Variants in ANKS1A observed in about 807,000 individuals in gnomAD.
ANKS1A encodes ankyrin repeat and sterile alpha motif domain containing 1A.
ANKS1A carries 55 observed loss-of-function variants against 120.3 expected under a neutral mutation model. The ratio of observed to expected loss-of-function variants is 0.46; its 90% CI spans 0.37 to 0.57. The LOEUF (loss-of-function observed/expected upper bound fraction) is 0.57, where lower values mean the gene tolerates loss of function less well. ANKS1A is among the 20% of genes least tolerant of loss of function. The probability of loss-of-function intolerance (pLI) is 0.00; values close to 1 mark genes in which losing one functional copy is unlikely to be tolerated. For synonymous variants in ANKS1A, 590 were observed against 604.7 expected (o/e 0.98, Z 0.36); for missense variants, 1,123 against 1,480.3 (o/e 0.76, Z 3.96).
chr6:35,023,553 C>T, intron 11 of ANKS1A: 1 of 425,098 alleles, frequency 2.4e-6, no homozygotes, highest in Non-Finnish European at 4.8e-6. Context: ...GTTTCTTTCA[C>T]TCTTTGACTG....
In ANKS1A at chr6:35,060,066, A is replaced by G. The variant is rs1041160278; in HGVS notation, c.2078-81A>G. On this transcript the variant is annotated intron_variant, in intron 12 of 23. Transcript: ENST00000360359. The surrounding 1 kb of genome is among the most constrained non-coding windows in gnomAD (Gnocchi z 4.5). ...GTAATGACTATGATGTGGCAATGCC[A>G]TCTATCTTCCTCTGAGTGCCGCTGC... 28 of 1,135,506 alleles carry G rather than the reference A, an allele frequency of 2.5e-5. No homozygotes were observed. In the Admixed American group the frequency reaches 5.4e-4, roughly 22 times the overall value. 70.3% of individuals were successfully genotyped at this position (1,135,506 alleles called of 1,614,324 possible). A position where few individuals can be genotyped will look rare whatever the true frequency, so the allele number is the denominator to read the frequency against.
chr6:34,986,742 A>G (rs1772225467), intron 8 of ANKS1A, among the ~76,000 whole-genome samples: 1 of 152,258 alleles, frequency 6.6e-6, no homozygotes, highest in Non-Finnish European at 1.5e-5. Context: ...GTAGTCCACC[A>G]AAGTGGGTGT....
chr6:34,997,670 G>A (rs892243537), intron 10 of ANKS1A, among the ~76,000 whole-genome samples: 4 of 152,186 alleles, frequency 2.6e-5, no homozygotes, highest in Admixed American at 2.6e-4. Flanking sequence ...TAGCATCATG[G>A]AGGAGGGAGA....
At chr6:34,913,957 G>T (rs545896207) in intron 1 of ANKS1A, among the ~76,000 whole-genome samples, 1 of 151,882 alleles carries the variant, frequency 6.6e-6, no homozygotes, top group African/African-American at 2.4e-5. Context: ...TCGCTCTGTT[G>T]CCCAGGCTGG....
intron 13 of ANKS1A, among the ~76,000 whole-genome samples, chr6:35,068,743 C>T (rs1224919683): frequency 2.6e-5 from 4 of 152,172 alleles, no homozygotes; most frequent in East Asian, 1.9e-4. Context: ...AGCTCTGTCT[C>T]GTTTCTTCTC....
intron 17 of ANKS1A, among the ~76,000 whole-genome samples, chr6:35,081,914 G>C (rs1023133476): frequency 6.6e-6 from 1 of 152,306 alleles, no homozygotes; most frequent in Admixed American, 6.5e-5. Flanking sequence ...GCCCCTCCGG[G>C]TGAACTTCAG....
chr6:34,998,511 G>T (rs9784818), intron 10 of ANKS1A, among the ~76,000 whole-genome samples: 1 of 151,974 alleles, frequency 6.6e-6, no homozygotes, highest in Non-Finnish European at 1.5e-5. Flanking sequence ...ACCTAAGCCT[G>T]GTAGTTAAAA....
chr6:35,002,584 T>C (rs1014228985), intron 10 of ANKS1A, among the ~76,000 whole-genome samples: 2 of 152,118 alleles, frequency 1.3e-5, no homozygotes, highest in Non-Finnish European at 2.9e-5. Flanking sequence ...CTTGTTTGTA[T>C]AATCCTATTA....
rs115590474 is a variant in ANKS1A at position 34,901,065 on chromosome 6, G to A, written c.197+11466G>A. Among the ~76,000 whole-genome samples the A allele has an allele frequency of 7.7e-3, 1,172 of 152,136 alleles. 16 individuals are homozygous for A. The highest frequency in any genetic ancestry group is 0.023 in the African/African-American group (967 of 41,510). ...AATTTAAGTGGTCCCTGTGCCCCCC[G>A]CAACCAGTTCAAAATGATAAAAATT... On this transcript the variant is annotated intron_variant, in intron 1 of 23. Coordinates refer to ENST00000360359, the MANE Select transcript of ANKS1A (RefSeq NM_015245.3).
intron 3 of ANKS1A, among the ~76,000 whole-genome samples, chr6:34,977,230 A>G (rs1034954105): frequency 7.9e-5 from 12 of 152,302 alleles, no homozygotes; most frequent in Middle Eastern, 3.4e-3. Flanking sequence ...GATTCTGGGT[A>G]TACATTTTTG....
At chr6:35,020,087 A>G (rs1028732563) in intron 11 of ANKS1A, among the ~76,000 whole-genome samples, 1 of 152,118 alleles carries the variant, frequency 6.6e-6, no homozygotes, top group Admixed American at 6.6e-5. Context: ...GGGCAGAATG[A>G]GAAATAAGAG....
chr6:35,084,283 G>C lies in ANKS1A; in HGVS notation c.3132+25G>C. 6.2e-7 allele frequency: 1 copy of C among 1,611,992 alleles called. No homozygotes were observed. Among genetic ancestry groups the C allele is most frequent in the Non-Finnish European group, 8.5e-7 (1 of 1,179,282 alleles). On this transcript the variant is annotated intron_variant, in intron 21 of 23. Transcript: ENST00000360359. This position sits in a 1 kb window ranked among gnomAD's most constrained non-coding sequence, Gnocchi z 4.8. ...GGTGGGTGGGGTCCTGGGGCCGGGT[G>C]GGGCAGGCTTGGGTTGCAGCCCTGA...
At position 35,017,460 on chromosome 6, in the gene ANKS1A, C is replaced by T. The variant is rs1225519658; in HGVS notation, c.1424-13C>T. The T allele has an allele frequency of 2.5e-6, 4 of 1,574,824 alleles. No individual in the cohort carries two copies. The highest frequency in any genetic ancestry group is 3.4e-6 in the Non-Finnish European group (4 of 1,160,076). On this transcript the variant is annotated splice_polypyrimidine_tract_variant and intron_variant, in intron 10 of 23. Coordinates refer to ENST00000360359, the MANE Select transcript of ANKS1A (RefSeq NM_015245.3). ...TTAATTTTTTATTTCTCTGTCTCTC[C>T]GTCCACTCCAAGACCACAGGCGGAG...
intron 13 of ANKS1A, among the ~76,000 whole-genome samples, chr6:35,073,241 C>G (rs908405780): frequency 6.6e-6 from 1 of 152,188 alleles, no homozygotes; most frequent in Non-Finnish European, 1.5e-5. Flanking sequence ...GCCCAGGGAA[C>G]TCTTGTTATG....
chr6:34,932,588 T>C (rs1769041519), intron 1 of ANKS1A, among the ~76,000 whole-genome samples: 1 of 152,250 alleles, frequency 6.6e-6, no homozygotes, highest in South Asian at 2.1e-4. Context: ...TTTCACCATG[T>C]TGGCCAGGCT....
chr6:34,985,345 C>T lies in ANKS1A; in HGVS notation c.1209+67C>T. On this transcript the variant is annotated intron_variant, in intron 8 of 23. Transcript: ENST00000360359. Reference sequence around the variant, plus strand: ...CTGGCTGGCCCCTGAGGTGATGGGGCACGGGGAAGGGAAGTGTGATCCCTG... The same window carrying T: ...CTGGCTGGCCCCTGAGGTGATGGGGTACGGGGAAGGGAAGTGTGATCCCTG... 3.3e-6 allele frequency: 5 copies of T among 1,504,170 alleles called. 1 individual carries two copies. The highest frequency in any genetic ancestry group is 4.5e-6 in the Non-Finnish European group (5 of 1,106,014). The allele number at this position is 1,504,170 out of a possible 1,614,324, so 93.2% of individuals were successfully genotyped here.
intron 1 of ANKS1A, among the ~76,000 whole-genome samples, chr6:34,919,456 C>T (rs980624312): frequency 7.3e-4 from 111 of 152,314 alleles, no homozygotes; most frequent in African/African-American, 2.5e-3. Flanking sequence ...GTACTGGGAA[C>T]GATGCCATTT....
intron 1 of ANKS1A, among the ~76,000 whole-genome samples, chr6:34,937,324 TA>T (rs1481142618): frequency 1.3e-5 from 2 of 151,654 alleles, no homozygotes; most frequent in Middle Eastern, 3.4e-3. Context: ...TATATATATA[TA>T]TTTTTTTAAA....
the ANKS1A span, among the ~76,000 whole-genome samples, chr6:35,096,904 G>GAA: frequency 9.4e-4 from 140 of 148,910 alleles, no homozygotes; most frequent in Non-Finnish European, 1.6e-3. Context: ...CTCTAAAAAA[G>GAA]AAAAAAAAAA....
Sources: allele counts gnomAD v4.1 joint callset (sites outside exome capture counted in the v4.1 genomes callset), GRCh38; gene constraint gnomAD v4.1.1; non-coding constraint Gnocchi (gnomAD v3.1); transcripts MANE v1.5; gene names NCBI Gene and HGNC (gene_info 2026-07-23, HGNC 2026-07-21).